Variants in PPP3CA observed in about 807,000 individuals in gnomAD.
PPP3CA encodes the protein CAM-PRP catalytic subunit.
PPP3CA carries 14 observed loss-of-function variants against 66.5 expected under a neutral mutation model. The ratio of observed to expected loss-of-function variants is 0.21; its 90% CI spans 0.14 to 0.33. The LOEUF (loss-of-function observed/expected upper bound fraction) is 0.33. Ranked by LOEUF, PPP3CA falls within the 10% of genes least tolerant of loss-of-function variation. The pLI, the probability that PPP3CA is intolerant of heterozygous loss-of-function variation, is 1.00. For synonymous variants in PPP3CA, 232 were observed against 226.2 expected, an observed-to-expected ratio of 1.03 and a Z score of -0.23; for missense variants, 317 against 639.5, an observed-to-expected ratio of 0.50 and a Z score of 5.44.
At chr4:101,294,538 T>A (rs1319604843) in intron 1 of PPP3CA, among the ~76,000 whole-genome samples, 1 of 35,456 alleles carries the variant, frequency 2.8e-5, no homozygotes, top group East Asian at 5.6e-4. Flanking sequence ...CCTAATTTAA[T>A]CATTTATATT....
At chr4:101,324,706 G>A (rs371589993) in intron 1 of PPP3CA, among the ~76,000 whole-genome samples, 108 of 150,260 alleles carry the variant, frequency 7.2e-4, no homozygotes, top group East Asian at 4.7e-3. Context: ...AAAAAAAAAA[G>A]ACAATAAACT....
chr4:101,051,738 T>C (rs1728018870), intron 10 of PPP3CA, among the ~76,000 whole-genome samples: 1 of 152,150 alleles, frequency 6.6e-6, no homozygotes, highest in Non-Finnish European at 1.5e-5. Flanking sequence ...GCAACATGGT[T>C]TGCTTTCTCG....
At chr4:101,064,114 T>C (rs1728585659) in intron 8 of PPP3CA, among the ~76,000 whole-genome samples, 2 of 152,124 alleles carry the variant, frequency 1.3e-5, no homozygotes, top group Middle Eastern at 3.4e-3. Flanking sequence ...AATGTGCTTC[T>C]ATCTGACTCT....
intron 1 of PPP3CA, among the ~76,000 whole-genome samples, chr4:101,222,130 T>C (rs1161266792): frequency 2.0e-5 from 3 of 151,698 alleles, no homozygotes; most frequent in Non-Finnish European, 4.4e-5. Context: ...TTGCAATCAT[T>C]TATCAAGCTT....
At chr4:101,233,742 T>C (rs1726036771) in intron 1 of PPP3CA, among the ~76,000 whole-genome samples, 1 of 151,674 alleles carries the variant, frequency 6.6e-6, no homozygotes, top group Non-Finnish European at 1.5e-5. Context: ...TCTTTTTTTT[T>C]TTTTAACTTT....
chr4:101,177,831 C>CA (rs36034031), intron 2 of PPP3CA, among the ~76,000 whole-genome samples: 24,146 of 145,100 alleles, frequency 0.17, 2,495 homozygotes, highest in East Asian at 0.3. Context: ...GAATTAAGCA[C>CA]AAAAAAAAAA....
rs550365105 is a variant in PPP3CA, at chr4:101,036,328, C to T, written c.1242-3964G>A. Among the ~76,000 whole-genome samples the T allele has an allele frequency of 3.0e-4, 45 of 152,214 alleles. No individual in the cohort carries two copies. In the Middle Eastern group the frequency reaches 0.014, roughly 46 times the overall value. On this transcript the variant is annotated intron_variant, in intron 11 of 13. Transcript: ENST00000394854. ...TTTATTTTTCTCCTCTCACTTTTCA[C>T]GCTATCCTTTAGCAAGACCATCAGC...
chr4:101,265,923 TA>T (rs1476336148), intron 1 of PPP3CA, among the ~76,000 whole-genome samples: 7 of 151,664 alleles, frequency 4.6e-5, no homozygotes, highest in South Asian at 2.1e-4. Flanking sequence ...ATGCTCTACC[TA>T]GAAAAAAAAA....
chr4:101,191,085 T>C (rs1458717219), intron 2 of PPP3CA, among the ~76,000 whole-genome samples: 1 of 152,210 alleles, frequency 6.6e-6, no homozygotes, highest in Non-Finnish European at 1.5e-5. Context: ...GTTTAGGTTC[T>C]TAAACCAATG....
intron 1 of PPP3CA, among the ~76,000 whole-genome samples, chr4:101,225,848 A>T (rs1045868530): frequency 1.3e-5 from 2 of 151,816 alleles, no homozygotes; most frequent in Non-Finnish European, 2.9e-5. Flanking sequence ...TTTAAAAAGC[A>T]AATATCAATA....
At chr4:101,029,667 CTATT>C (rs2110203232) in intron 12 of PPP3CA, among the ~76,000 whole-genome samples, 1 of 151,604 alleles carries the variant, frequency 6.6e-6, no homozygotes, top group African/African-American at 2.4e-5. Flanking sequence ...ATCATTCACA[CTATT>C]TAATATTAAA....
chr4:101,215,518 A>G (rs938302215), intron 1 of PPP3CA, among the ~76,000 whole-genome samples: 8 of 152,068 alleles, frequency 5.3e-5, no homozygotes, highest in African/African-American at 1.9e-4. Context: ...TTAACAATCC[A>G]GTTACCAAGT....
intron 3 of PPP3CA, among the ~76,000 whole-genome samples, chr4:101,103,046 C>T (rs1730518550): frequency 6.6e-6 from 1 of 152,168 alleles, no homozygotes; most frequent in African/African-American, 2.4e-5. Flanking sequence ...TAGCTTTCTC[C>T]TGTTTAATTT....
At chr4:101,213,885 A>C (rs1454419447) in intron 1 of PPP3CA, among the ~76,000 whole-genome samples, 3 of 152,166 alleles carry the variant, frequency 2.0e-5, no homozygotes, top group Admixed American at 6.6e-5. Context: ...ATTTCTCTAA[A>C]AAATCTACCT....
intron 2 of PPP3CA, among the ~76,000 whole-genome samples, chr4:101,188,847 T>G (rs1250456313): frequency 2.6e-5 from 4 of 152,168 alleles, no homozygotes; most frequent in Non-Finnish European, 4.4e-5. Context: ...CCTGAAGGCC[T>G]TCTCTCAGGT....
Position 101,098,450 on chromosome 4 carries a change from G to A in PPP3CA, c.559C>T (p.Leu187=), listed in dbSNP as rs1203263484. The A allele has an allele frequency of 1.9e-6, 3 of 1,612,294 alleles. No individual in the cohort carries two copies. The African/African-American group carries it at 4.0e-5, about 22-fold the overall frequency. The part of the protein sequence containing the change: ...ACMDAFDCLP[L]AALMNQQFLC... Reference sequence around the variant, plus strand: ...AACTGTTGGTTCATCAGGGCAGCCAGGGGAAGGCAGTCAAAGGCATCCATA... The same window carrying A: ...AACTGTTGGTTCATCAGGGCAGCCAAGGGAAGGCAGTCAAAGGCATCCATA... Residue 187 remains leucine, a synonymous_variant, in exon 5 of 14, where the codon CTG becomes TTG. Transcript: ENST00000394854.
At chr4:101,333,269 A>ATTTTT (rs1729497153) in intron 1 of PPP3CA, among the ~76,000 whole-genome samples, 2 of 66,436 alleles carry the variant, frequency 3.0e-5, no homozygotes, top group Non-Finnish European at 6.8e-5. Context: ...TACCATGCCC[A>ATTTTT]GTTTTTTTTT....
At chr4:101,199,332 C>T (rs966506302) in intron 1 of PPP3CA, among the ~76,000 whole-genome samples, 2 of 151,712 alleles carry the variant, frequency 1.3e-5, no homozygotes, top group African/African-American at 4.9e-5. Context: ...CCCTTCCTTC[C>T]TTTGCTTTGA....
intron 2 of PPP3CA, among the ~76,000 whole-genome samples, chr4:101,109,308 T>TAAAA (rs70961775): frequency 7.6e-3 from 674 of 88,858 alleles, no homozygotes; most frequent in East Asian, 0.015. Flanking sequence ...ACAGATTAAC[T>TAAAA]AAAAAAAAAA....
Sources: allele counts gnomAD v4.1 joint callset (sites outside exome capture counted in the v4.1 genomes callset), GRCh38; gene constraint gnomAD v4.1.1; transcripts MANE v1.5; gene names NCBI Gene and HGNC (gene_info 2026-07-23, HGNC 2026-07-21).